CUL5: variants seen among roughly 807,000 people sequenced by gnomAD.
CUL5 encodes cullin 5, also known as cullin-5.
In CUL5, 26 loss-of-function variants were observed where a neutral mutation model predicts 108.8. That is an observed-to-expected ratio of 0.24 (90% CI 0.18 to 0.33). The LOEUF is 0.33. Ranked by LOEUF, CUL5 falls within the 10% of genes least tolerant of loss-of-function variation. The probability of loss-of-function intolerance (pLI) is 1.00; values close to 1 mark genes in which losing one functional copy is unlikely to be tolerated. For synonymous variants in CUL5, 334 were observed against 298.0 expected (o/e 1.12, Z -1.25); for missense variants, 524 against 909.2 (o/e 0.58, Z 5.45).
Position 108,089,388 on chromosome 11 carries a change from C to T in CUL5, c.1312-104C>T, listed in dbSNP as rs887399491. ...CAGTAGGCCTCTATCTGTATATGCT[C>T]ATAAAAGTTTCTGACTTGTGACAAT... On this transcript the variant is annotated intron_variant, in intron 12 of 18. Transcript: ENST00000393094. The T allele has an allele frequency of 1.7e-5, 13 of 778,814 alleles. No homozygotes were observed. The South Asian group carries it at 2.3e-4, about 14-fold the overall frequency. The allele number at this position is 778,814 out of a possible 1,614,324, so 48.2% of individuals were successfully genotyped here. A position where few individuals can be genotyped will look rare whatever the true frequency, so the allele number is the denominator to read the frequency against.
chr11:108,012,813 T>A (rs576473787), intron 1 of CUL5, among the ~76,000 whole-genome samples: 10 of 152,078 alleles, frequency 6.6e-5, no homozygotes, highest in Non-Finnish European at 1.2e-4. Flanking sequence ...GCCAGGATGG[T>A]CTCAAACTCC....
At position 108,069,650 on chromosome 11, in the gene CUL5, A is replaced by T. The variant is rs1221261751; in HGVS notation, c.781-446A>T. ...CCTCCTCACTCTCAATTAGACAGTG[A>T]TCTCTTCGAGAGCAGGAATTATATC... On this transcript the variant is annotated intron_variant, in intron 7 of 18. Transcript: ENST00000393094. 8.5e-5 allele frequency among the ~76,000 whole-genome samples: 13 copies of T among 152,286 alleles called. No individual in the cohort carries two copies. In the South Asian group the frequency reaches 1.9e-3, roughly 22 times the overall value.
At chr11:108,088,749 T>A in intron 12 of CUL5, 90 bp downstream of exon 12, 1 of 957,658 alleles carries the variant, frequency 1.0e-6, no homozygotes, top group Non-Finnish European at 1.5e-6. Context: ...AGTATCAATT[T>A]AAAAATGTAT....
Position 108,038,904 on chromosome 11 carries a change from C to T in CUL5, c.134+4993C>T, listed in dbSNP as rs1052258933. Reference sequence around the variant, plus strand: ...AGGTACATTGACTGAGATTTTCCCCCCTTTTCTCCTAATCTATATTCTTTC... The same window carrying T: ...AGGTACATTGACTGAGATTTTCCCCTCTTTTCTCCTAATCTATATTCTTTC... On this transcript the variant is annotated intron_variant, in intron 2 of 18. Coordinates refer to ENST00000393094, the MANE Select transcript of CUL5 (RefSeq NM_003478.6). Among the ~76,000 whole-genome samples, 54 of 152,092 alleles carry T rather than the reference C, an allele frequency of 3.6e-4. 1 individual carries two copies. The highest frequency in any genetic ancestry group is 3.4e-3 in the Admixed American group (52 of 15,282).
intron 1 of CUL5, among the ~76,000 whole-genome samples, chr11:108,014,062 A>G (rs937193392): frequency 6.6e-6 from 1 of 152,230 alleles, no homozygotes; most frequent in Non-Finnish European, 1.5e-5. Flanking sequence ...ATGATTTATG[A>G]TAAGGCAAAA....
chr11:108,041,987 T>C (rs970148223), intron 2 of CUL5, among the ~76,000 whole-genome samples: 3 of 152,162 alleles, frequency 2.0e-5, no homozygotes, highest in African/African-American at 7.2e-5. Flanking sequence ...TTTGTTATAG[T>C]AAACTAAATA....
At position 108,107,158 on chromosome 11, in the gene CUL5, G is replaced by A. The variant is rs1339681282; in HGVS notation, c.*2774G>A. ...TTTATTGGAGGGGTCCCTGAGTTCT[G>A]TCAACTTTTTTATTTAAGTCTCTTG... On this transcript the variant is annotated 3_prime_UTR_variant, in exon 19 of 19. Coordinates refer to ENST00000393094, the MANE Select transcript of CUL5 (RefSeq NM_003478.6). 6.6e-6 allele frequency: 1 copy of A among 151,740 alleles called. No individual in the cohort carries two copies. The highest frequency in any genetic ancestry group is 1.5e-5 in the Non-Finnish European group (1 of 67,934). The allele number at this position is 151,740 out of a possible 1,614,324, so 9.4% of individuals were successfully genotyped here.
chr11:108,040,572 A>C (rs553763763), intron 2 of CUL5, among the ~76,000 whole-genome samples: 1 of 142,904 alleles, frequency 7.0e-6, no homozygotes, highest in Non-Finnish European at 1.5e-5. Context: ...CGATTGTGCC[A>C]CTGCACTCCA....
rs560024022 is a variant in CUL5 at position 108,028,512 on chromosome 11, G to A, written c.25-5290G>A. Among the ~76,000 whole-genome samples the A allele has an allele frequency of 9.2e-5, 14 of 152,226 alleles. No individual in the cohort carries two copies. In the South Asian group the frequency reaches 2.9e-3, roughly 32 times the overall value. On this transcript the variant is annotated intron_variant, in intron 1 of 18. Coordinates refer to ENST00000393094, the MANE Select transcript of CUL5 (RefSeq NM_003478.6). ...CCCCTTATAATATATTCTCAACATAGTAATGAGGGAGATTTTAAAATGTAA... is the reference window on the plus strand; with the variant it reads ...CCCCTTATAATATATTCTCAACATAATAATGAGGGAGATTTTAAAATGTAA...
rs1864553714 is a variant in CUL5 at position 108,098,441 on chromosome 11, A to G, written c.2060A>G (p.Asn687Ser). 6.2e-7 allele frequency: 1 copy of G among 1,606,298 alleles called. No individual in the cohort carries two copies. The highest frequency in any genetic ancestry group is 8.5e-7 in the Non-Finnish European group (1 of 1,176,832). Residue 687 changes from asparagine (N) to serine (S), a missense_variant, in exon 18 of 19, where the codon AAC (asparagine) becomes AGC (serine). Around this residue, in one of 8 missense-constraint regions of CUL5, gnomAD observed 66 missense variants for 81.4 expected, o/e 0.81. Transcript: ENST00000393094. Reference sequence around the variant, plus strand: ...AAGGTTCAGAAAAGGGGTAAAATCAACTTGATTGGACGTTTGCAGCTCACT... The same window carrying G: ...AAGGTTCAGAAAAGGGGTAAAATCAGCTTGATTGGACGTTTGCAGCTCACT... ...NAKVQKRGKI[N>S]LIGRLQLTTE...
intron 7 of CUL5, among the ~76,000 whole-genome samples, chr11:108,064,460 C>T (rs1413351713): frequency 1.3e-5 from 2 of 152,164 alleles, no homozygotes; most frequent in African/African-American, 4.8e-5. Flanking sequence ...GTAATCCCAG[C>T]ACATTAGGAG....
Position 108,104,507 on chromosome 11 carries a change from C to T in CUL5, c.*123C>T. On this transcript the variant is annotated 3_prime_UTR_variant, in exon 19 of 19. Transcript: ENST00000393094. ...ATTACATAAATATTAAAATCTCTGC[C>T]TTACCTTACAAAAACAACTATATTT... 1 of 613,414 alleles carries T rather than the reference C, an allele frequency of 1.6e-6. No individual in the cohort carries two copies. The allele number at this position is 613,414 out of a possible 1,614,324, so 38.0% of individuals were successfully genotyped here.
chr11:108,030,559 C>T (rs1238372796), intron 1 of CUL5, among the ~76,000 whole-genome samples: 3 of 152,196 alleles, frequency 2.0e-5, no homozygotes, highest in African/African-American at 7.2e-5. Flanking sequence ...ATCGCTTGAA[C>T]CCGGGAGGCG....
At chr11:108,037,063 C>A (rs1374462127) in intron 2 of CUL5, among the ~76,000 whole-genome samples, 1 of 151,974 alleles carries the variant, frequency 6.6e-6, no homozygotes, top group African/African-American at 2.4e-5. Context: ...CATTTTTGGT[C>A]CACCCAAAAC....
At position 108,104,444 on chromosome 11, in the gene CUL5, G is replaced by T; in HGVS notation, c.*60G>T. On this transcript the variant is annotated 3_prime_UTR_variant, in exon 19 of 19. Transcript: ENST00000393094. ...TTTTGGAGTGCTTGGGCAGAAAGTT[G>T]TAAAGTTTGTGCTGGAGAAAGGTTT... 1.9e-6 allele frequency: 2 copies of T among 1,069,138 alleles called. No homozygotes were observed. Among genetic ancestry groups the T allele is most frequent in the Non-Finnish European group, 2.7e-6 (2 of 752,948 alleles). The allele number at this position is 1,069,138 out of a possible 1,614,324, so 66.2% of individuals were successfully genotyped here.
chr11:108,087,424 C>A (rs1042402790), intron 11 of CUL5, among the ~76,000 whole-genome samples: 3 of 152,070 alleles, frequency 2.0e-5, no homozygotes, highest in Admixed American at 6.6e-5. Context: ...TCAAAATCTT[C>A]AATTTAAATT....
intron 18 of CUL5, among the ~76,000 whole-genome samples, chr11:108,100,759 G>A (rs1383802488): frequency 1.3e-5 from 2 of 152,140 alleles, no homozygotes; most frequent in African/African-American, 4.8e-5. Flanking sequence ...GGCCAGGCGC[G>A]GTGGCTCACG....
intron 16 of CUL5, among the ~76,000 whole-genome samples, chr11:108,096,011 G>A (rs777295313): frequency 5.3e-5 from 8 of 151,042 alleles, no homozygotes; most frequent in African/African-American, 9.8e-5. Flanking sequence ...CAGGAGAATC[G>A]CTTGAATTCA....
At chr11:108,056,115 G>A (rs907593215) in intron 7 of CUL5, among the ~76,000 whole-genome samples, 1 of 152,186 alleles carries the variant, frequency 6.6e-6, no homozygotes, top group Admixed American at 6.5e-5. Context: ...GTCAGTGACA[G>A]TACCATGGTA....
Sources: allele counts gnomAD v4.1 joint callset (sites outside exome capture counted in the v4.1 genomes callset), GRCh38; gene constraint gnomAD v4.1.1; regional missense constraint gnomAD v4.1.1; transcripts MANE v1.5; gene names NCBI Gene and HGNC (gene_info 2026-07-23, HGNC 2026-07-21).